Variants in FYN observed in about 807,000 individuals in gnomAD.
FYN encodes the protein FYN proto-oncogene, Src family tyrosine kinase.
In FYN, 10 loss-of-function variants were observed where a neutral mutation model predicts 70.2. That is an observed-to-expected ratio of 0.14 (90% CI 0.09 to 0.24). The LOEUF is 0.24. Among genes scored for constraint, FYN ranks in the 10% least tolerant of loss-of-function variants. The pLI is 1.00. For synonymous variants in FYN, 236 were observed against 248.6 expected (o/e 0.95, Z 0.48); for missense variants, 319 against 673.1 (o/e 0.47, Z 5.82).
chr6:111,717,147 C>A (rs1800685887), intron 4 of FYN, among the ~76,000 whole-genome samples: 1 of 151,774 alleles, frequency 6.6e-6, no homozygotes, highest in Non-Finnish European at 1.5e-5. Flanking sequence ...ACTTATTTAC[C>A]CCATTCAAGA....
chr6:111,719,763 G>T (rs1278021980), intron 4 of FYN, 42 bp downstream of exon 4: 1 of 1,593,782 alleles, frequency 6.3e-7, no homozygotes, highest in African/African-American at 1.3e-5. Context: ...AGATTTAAGG[G>T]TGGCTGCCCC....
At chr6:111,681,159 C>G (rs538800928) in intron 12 of FYN, among the ~76,000 whole-genome samples, 1 of 152,018 alleles carries the variant, frequency 6.6e-6, no homozygotes, top group South Asian at 2.1e-4. Context: ...TCCTGAGTAG[C>G]TGGGACTATT....
intron 3 of FYN, among the ~76,000 whole-genome samples, chr6:111,734,886 C>CACTG (rs1450503630): frequency 6.6e-6 from 1 of 152,194 alleles, no homozygotes; most frequent in Non-Finnish European, 1.5e-5. Context: ...GTGCTAAGGG[C>CACTG]TGCCGGTATA....
At position 111,782,116 on chromosome 6, in the gene FYN, G is replaced by C. The variant is rs1771198328; in HGVS notation, c.-81-1481C>G. Among the ~76,000 whole-genome samples the C allele has an allele frequency of 2.0e-5, 3 of 152,100 alleles. No individual in the cohort carries two copies. The South Asian group carries it at 6.2e-4, about 32-fold the overall frequency. ...TTTCAGGCCTAGCTTCATTCTCATTGACTTTTCCACCTTGATTTTCCCAAA... is the reference window on the plus strand; with the variant it reads ...TTTCAGGCCTAGCTTCATTCTCATTCACTTTTCCACCTTGATTTTCCCAAA... On this transcript the variant is annotated intron_variant, in intron 2 of 13. Coordinates refer to ENST00000354650, the MANE Select transcript of FYN (RefSeq NM_002037.5).
chr6:111,796,007 C>A (rs1325875734), intron 2 of FYN, among the ~76,000 whole-genome samples: 4 of 152,208 alleles, frequency 2.6e-5, no homozygotes, highest in African/African-American at 9.6e-5. Flanking sequence ...CTAGGCTTAA[C>A]ATAAACCTCA....
At chr6:111,699,746 G>A in intron 9 of FYN, 4 of 1,396,308 alleles carry the variant, frequency 2.9e-6, no homozygotes, top group Non-Finnish European at 3.9e-6. Flanking sequence ...AAAGATGGAA[G>A]GTGACTTGCC....
At position 111,869,718 on chromosome 6, in the gene FYN, C is replaced by A. The variant is rs528860392; in HGVS notation, c.-123+3250G>T. Among the ~76,000 whole-genome samples the A allele has an allele frequency of 7.2e-5, 11 of 152,308 alleles. 1 individual carries two copies. Among genetic ancestry groups the A allele is most frequent in the Middle Eastern group, 3.4e-3 (1 of 294 alleles). ...AGGAGTGTGATTTCTAAGGACTCTC[C>A]TAGCAACTTTGGGAGTCTACAGAAT... is the stretch of plus-strand genomic sequence containing the variant. On this transcript the variant is annotated intron_variant, in intron 1 of 13. Transcript: ENST00000354650.
intron 5 of FYN, among the ~76,000 whole-genome samples, chr6:111,712,381 G>A (rs1236242457): frequency 6.6e-6 from 1 of 152,188 alleles, no homozygotes; most frequent in Non-Finnish European, 1.5e-5. Context: ...ATAACAGCAA[G>A]GAGGTATACC....
intron 13 of FYN, among the ~76,000 whole-genome samples, chr6:111,666,801 C>A (rs1268694455): frequency 1.3e-5 from 2 of 152,164 alleles, no homozygotes; most frequent in African/African-American, 4.8e-5. Flanking sequence ...CCACTGCACT[C>A]CAGCCTGGGT....
intron 2 of FYN, among the ~76,000 whole-genome samples, chr6:111,787,341 G>T (rs145598459): frequency 0.016 from 2,456 of 152,202 alleles, 73 homozygotes; most frequent in African/African-American, 0.056. Flanking sequence ...CCCATTTCTT[G>T]TTTCTGTCAG....
At chr6:111,697,611 TAAGCATTCATGGG>T (rs1333435052) in intron 9 of FYN, among the ~76,000 whole-genome samples, 1 of 152,206 alleles carries the variant, frequency 6.6e-6, no homozygotes, top group Non-Finnish European at 1.5e-5. Context: ...ATCTGCCCAC[TAAGCATTCATGGG>T]AAATTTGACA....
chr6:111,780,133 C>G (rs1267019895), intron 3 of FYN, among the ~76,000 whole-genome samples: 1 of 152,162 alleles, frequency 6.6e-6, no homozygotes, highest in Non-Finnish European at 1.5e-5. Flanking sequence ...GCAAGCTGGA[C>G]TTGTAGCTTC....
chr6:111,766,432 T>C (rs1803231403), intron 3 of FYN, among the ~76,000 whole-genome samples: 1 of 152,176 alleles, frequency 6.6e-6, no homozygotes, highest in African/African-American at 2.4e-5. Flanking sequence ...CCACAAAAAA[T>C]TTCCAATGCA....
intron 3 of FYN, among the ~76,000 whole-genome samples, chr6:111,762,937 C>T (rs530688228): frequency 1.3e-5 from 2 of 152,286 alleles, no homozygotes; most frequent in South Asian, 2.1e-4. Flanking sequence ...ACTCTGACTC[C>T]TTTGATAAGA....
intron 1 of FYN, among the ~76,000 whole-genome samples, chr6:111,870,532 G>A: frequency 6.6e-6 from 1 of 152,182 alleles, no homozygotes; most frequent in East Asian, 1.9e-4. Flanking sequence ...AAATGAAACA[G>A]AATACCCGCT....
chr6:111,668,558 C>T (rs148451960), intron 13 of FYN, among the ~76,000 whole-genome samples: 4 of 151,900 alleles, frequency 2.6e-5, no homozygotes, highest in Middle Eastern at 3.5e-3. Flanking sequence ...AGGAAGGCCC[C>T]GGAACTGCAC....
intron 2 of FYN, among the ~76,000 whole-genome samples, chr6:111,794,614 T>C (rs1470869381): frequency 1.3e-5 from 2 of 152,190 alleles, no homozygotes; most frequent in African/African-American, 4.8e-5. Flanking sequence ...CATTTTTAAA[T>C]GGTCACAAAA....
chr6:111,853,838 C>T (rs111588205), intron 1 of FYN, among the ~76,000 whole-genome samples: 215 of 152,210 alleles, frequency 1.4e-3, no homozygotes, highest in African/African-American at 4.3e-3. Context: ...AGGCTGGTCA[C>T]GAATTTCTGC....
At chr6:111,688,895 T>G (rs1176540834) in intron 12 of FYN, among the ~76,000 whole-genome samples, 1 of 152,166 alleles carries the variant, frequency 6.6e-6, no homozygotes, top group East Asian at 1.9e-4. Flanking sequence ...TGCAGGTATA[T>G]CAAAGTGGTG....
Sources: gnomAD v4.1 joint callset for allele counts (sites outside exome capture counted in the v4.1 genomes callset) on GRCh38, gnomAD v4.1.1 for gene constraint, MANE v1.5 for transcripts, NCBI Gene and HGNC (gene_info 2026-07-23, HGNC 2026-07-21) for gene names.